The following ZNF670 variants were observed in gnomAD, a reference collection of about 807,000 sequenced individuals.
ZNF670 encodes the protein zinc finger protein 670.
ZNF670 carries 7 observed loss-of-function variants against 10.9 expected under a neutral mutation model. That is an observed-to-expected ratio of 0.64 (90% CI 0.36 to 1.20). The LOEUF (loss-of-function observed/expected upper bound fraction) is 1.20, where lower values mean the gene tolerates loss of function less well. Ranked by LOEUF, ZNF670 falls within the 50% of genes most tolerant of loss-of-function variation. The pLI is 0.02. For missense variants in ZNF670, 446 were observed against 458.6 expected, an observed-to-expected ratio of 0.97 and a Z score of 0.25; for synonymous variants, 136 against 152.7, an observed-to-expected ratio of 0.89 and a Z score of 0.81.
intron 1 of ZNF670, among the ~76,000 whole-genome samples, chr1:247,077,143 C>T (rs1671273147): frequency 2.0e-5 from 3 of 152,312 alleles, no homozygotes; most frequent in Non-Finnish European, 2.9e-5. Flanking sequence ...CTGCCACCAA[C>T]GTGTCTCCAA....
rs1670183354 is a variant in ZNF670, at chr1:247,037,406, C to A, written c.*43G>T. ...AAACTAGAATAACTGAAAGCTTTAA[C>A]ACACTTCTTACATTGACAGAGGTGT... On this transcript the variant is annotated 3_prime_UTR_variant, in exon 4 of 4. Transcript: ENST00000366503. The A allele has an allele frequency of 1.3e-6, 2 of 1,535,168 alleles. No homozygotes were observed. Among genetic ancestry groups the A allele is most frequent in the Non-Finnish European group, 8.7e-7 (1 of 1,146,218 alleles).
intron 1 of ZNF670, among the ~76,000 whole-genome samples, chr1:247,051,035 G>A (rs977541331): frequency 2.6e-5 from 4 of 151,584 alleles, no homozygotes; most frequent in African/African-American, 7.3e-5. Flanking sequence ...TAGGCCAGGT[G>A]CGGTGGCTCA....
intron 1 of ZNF670, among the ~76,000 whole-genome samples, chr1:247,076,658 CTTT>C (rs553387815): frequency 7.1e-6 from 1 of 139,884 alleles, no homozygotes; most frequent in Non-Finnish European, 1.5e-5. Context: ...AATAAACTCT[CTTT>C]TTTTTTTTTT....
In ZNF670 at chr1:247,038,410, C is replaced by T. The variant is rs1385518617; in HGVS notation, c.209G>A (p.Arg70Lys). 6.2e-7 allele frequency: 1 copy of T among 1,608,962 alleles called. No individual in the cohort carries two copies. Among genetic ancestry groups the T allele is most frequent in the Non-Finnish European group, 8.5e-7 (1 of 1,178,186 alleles). Residue 70 changes from arginine (R) to lysine (K), a missense_variant, in exon 4 of 4, where the codon AGA (arginine) becomes AAA (lysine). Physicochemically the swap from Arg to Lys is conservative, Grantham distance 26. Transcript: ENST00000366503. ...ACTGCCTTCTTTAATTTCAAACAGT[C>T]TCTCTACCACATGACTGCTGTAAAA... ...GRNLSSHVVERLFEIKEGSQY... is the reference protein window; with the variant it reads ...GRNLSSHVVEKLFEIKEGSQY...
intron 1 of ZNF670, chr1:247,043,452 A>G (rs1670366896): frequency 1.3e-5 from 8 of 619,478 alleles, no homozygotes; most frequent in Admixed American, 2.5e-5. Flanking sequence ...AATAAAAAAA[A>G]CTTTGAAGAA....
Position 247,062,315 on chromosome 1 carries a change from A to G in ZNF670, c.3+16279T>C, listed in dbSNP as rs973518188. 7.2e-5 allele frequency among the ~76,000 whole-genome samples: 11 copies of G among 152,216 alleles called. No homozygotes were observed. The East Asian group carries it at 1.3e-3, about 19-fold the overall frequency. The stretch of plus-strand genomic sequence containing the variant: ...CTAGAATTCCATCTGAAATTACTCA[A>G]AAGAGCAGAAATTTATTCCACATGT... On this transcript the variant is annotated intron_variant, in intron 1 of 3. Transcript: ENST00000366503.
chr1:247,059,310 G>C (rs1670799407), intron 1 of ZNF670, among the ~76,000 whole-genome samples: 2 of 151,924 alleles, frequency 1.3e-5, no homozygotes, highest in Admixed American at 1.3e-4. Flanking sequence ...GCCGGGCGTG[G>C]TGGAGGGCGC....
At chr1:247,051,180 C>T (rs192757849) in intron 1 of ZNF670, among the ~76,000 whole-genome samples, 81 of 151,486 alleles carry the variant, frequency 5.3e-4, no homozygotes, top group African/African-American at 1.9e-3. Context: ...TGGTGGCAAG[C>T]GCCTGTAGTC....
At chr1:247,043,136 C>A in intron 1 of ZNF670, 2 of 921,310 alleles carry the variant, frequency 2.2e-6, no homozygotes, top group Non-Finnish European at 3.5e-6. Context: ...ACAGACATGA[C>A]AATGTGAGGA....
intron 1 of ZNF670, among the ~76,000 whole-genome samples, chr1:247,070,123 G>C (rs1671081056): frequency 6.6e-6 from 1 of 151,774 alleles, no homozygotes; most frequent in African/African-American, 2.4e-5. Context: ...TACATACTTA[G>C]TATGTACCCA....
intron 1 of ZNF670, among the ~76,000 whole-genome samples, chr1:247,074,493 T>G (rs1257991963): frequency 1.3e-5 from 2 of 152,130 alleles, no homozygotes; most frequent in Non-Finnish European, 2.9e-5. Flanking sequence ...CCAGTGTTTT[T>G]CCTCATTGCA....
At position 247,064,652 on chromosome 1, in the gene ZNF670, C is replaced by T. The variant is rs145147651; in HGVS notation, c.3+13942G>A. The stretch of plus-strand genomic sequence containing the variant: ...AGACTCATTGTCTAATGGAGCCATC[C>T]TCAGCCTCAAGGAAGAACGGGGCCC... On this transcript the variant is annotated intron_variant, in intron 1 of 3. Transcript: ENST00000366503. Among the ~76,000 whole-genome samples, 1,360 of 152,314 alleles carry T rather than the reference C, an allele frequency of 8.9e-3. 30 individuals carry two copies. Among genetic ancestry groups the T allele is most frequent in the African/African-American group, 0.031 (1,287 of 41,568 alleles).
intron 1 of ZNF670, among the ~76,000 whole-genome samples, chr1:247,051,034 T>C (rs7518427): frequency 0.35 from 53,534 of 151,366 alleles, 10,893 homozygotes; most frequent in African/African-American, 0.55. Flanking sequence ...TTAGGCCAGG[T>C]GCGGTGGCTC....
chr1:247,072,318 GTT>G (rs542453281), intron 1 of ZNF670, among the ~76,000 whole-genome samples: 2 of 138,404 alleles, frequency 1.4e-5, no homozygotes, highest in African/African-American at 2.6e-5. Flanking sequence ...GCCTGGTTTT[GTT>G]TTTTTTTTTT....
chr1:247,064,702 G>A lies in ZNF670; in HGVS notation c.3+13892C>T, dbSNP rs979938187. Among the ~76,000 whole-genome samples the A allele has an allele frequency of 3.9e-5, 6 of 152,312 alleles. No individual in the cohort carries two copies. In the East Asian group the frequency reaches 5.8e-4, roughly 15 times the overall value. On this transcript the variant is annotated intron_variant, in intron 1 of 3. Transcript: ENST00000366503. ...CAGGTCAGGCAACAGTGGAACATGC[G>A]GGAGCCAGACCTCTGCAATTCGGGA...
intron 1 of ZNF670, among the ~76,000 whole-genome samples, chr1:247,049,717 G>T (rs1204457513): frequency 1.3e-5 from 2 of 152,190 alleles, no homozygotes; most frequent in African/African-American, 4.8e-5. Context: ...GATAGGTTGT[G>T]TCACTACTAT....
At chr1:247,078,188 T>C (rs953357981) in intron 1 of ZNF670, among the ~76,000 whole-genome samples, 2 of 152,106 alleles carry the variant, frequency 1.3e-5, no homozygotes, top group African/African-American at 4.8e-5. Context: ...TCTGCTCAAA[T>C]AAACTCCTTA....
chr1:247,076,420 C>A (rs1394966527), intron 1 of ZNF670, among the ~76,000 whole-genome samples: 1 of 151,762 alleles, frequency 6.6e-6, no homozygotes, highest in Non-Finnish European at 1.5e-5. Context: ...CCATGCCCGG[C>A]TAATTTTTTG....
intron 1 of ZNF670, among the ~76,000 whole-genome samples, chr1:247,042,371 T>C (rs925480516): frequency 3.3e-5 from 5 of 152,320 alleles, no homozygotes; most frequent in African/African-American, 1.2e-4. Flanking sequence ...TGGTACTAAG[T>C]GCGATGGTCA....
Sources: allele counts gnomAD v4.1 joint callset (sites outside exome capture counted in the v4.1 genomes callset), GRCh38; gene constraint gnomAD v4.1.1; transcripts MANE v1.5; gene names NCBI Gene and HGNC (gene_info 2026-07-23, HGNC 2026-07-21).